ITGA9: variants seen among roughly 807,000 people sequenced by gnomAD.
ITGA9 encodes integrin subunit alpha 9.
ITGA9 carries 56 observed loss-of-function variants against 127.8 expected under a neutral mutation model. That is an observed-to-expected ratio of 0.44 (90% confidence interval 0.35 to 0.55). ITGA9 has a LOEUF of 0.55. ITGA9 is among the 20% of genes least tolerant of loss of function. The pLI, the probability that ITGA9 is intolerant of heterozygous loss-of-function variation, is 0.00. For missense variants in ITGA9, 1,196 were observed against 1,347.1 expected (o/e 0.89, Z 1.76); for synonymous variants, 508 against 514.5 (o/e 0.99, Z 0.17).
chr3:37,687,692 T>C (rs1700794680), intron 18 of ITGA9, among the ~76,000 whole-genome samples: 1 of 152,224 alleles, frequency 6.6e-6, no homozygotes, highest in Non-Finnish European at 1.5e-5. Flanking sequence ...GTATATTCCA[T>C]TGTGAATTTT....
chr3:37,673,368 C>A (rs992474648), intron 17 of ITGA9, among the ~76,000 whole-genome samples: 10 of 152,182 alleles, frequency 6.6e-5, no homozygotes, highest in African/African-American at 2.2e-4. Flanking sequence ...ATTTCCCAGG[C>A]TCCCTTGCAG....
intron 15 of ITGA9, among the ~76,000 whole-genome samples, chr3:37,547,673 A>G (rs866814466): frequency 6.6e-6 from 1 of 152,222 alleles, no homozygotes; most frequent in Non-Finnish European, 1.5e-5. Context: ...GGAAAATAAC[A>G]TGCTAAATCT....
chr3:37,648,493 G>A (rs1050200706), intron 16 of ITGA9, among the ~76,000 whole-genome samples: 3 of 152,128 alleles, frequency 2.0e-5, no homozygotes, highest in African/African-American at 4.8e-5. Flanking sequence ...CAGGCATGGT[G>A]GCATGTGGCT....
intron 18 of ITGA9, among the ~76,000 whole-genome samples, chr3:37,689,790 T>G (rs1700814538): frequency 6.6e-6 from 1 of 152,234 alleles, no homozygotes; most frequent in African/African-American, 2.4e-5. Flanking sequence ...TGGAGCCGTT[T>G]GGCACAAAGG....
intron 25 of ITGA9, among the ~76,000 whole-genome samples, chr3:37,782,437 G>T (rs1490522351): frequency 6.7e-6 from 1 of 149,180 alleles, no homozygotes; most frequent in African/African-American, 2.4e-5. Flanking sequence ...TGTCCCCATG[G>T]GCCAGCCAGG....
chr3:37,629,357 A>G lies in ITGA9; in HGVS notation c.1839+21A>G. The G allele has an allele frequency of 6.2e-7, 1 of 1,613,460 alleles. No homozygotes were observed. The highest frequency in any genetic ancestry group is 8.5e-7 in the Non-Finnish European group (1 of 1,179,766). On this transcript the variant is annotated intron_variant, in intron 16 of 27. Transcript: ENST00000264741. This position sits in a 1 kb window ranked among gnomAD's most constrained non-coding sequence, Gnocchi z 4.5. Reference sequence around the variant, plus strand: ...ATCAGGTCAGAACCTTAAAGCTCATACTCAGCACCCAAGGTGGCAGCTGCA... The same window carrying G: ...ATCAGGTCAGAACCTTAAAGCTCATGCTCAGCACCCAAGGTGGCAGCTGCA...
intron 15 of ITGA9, among the ~76,000 whole-genome samples, chr3:37,587,650 G>T (rs1699771432): frequency 6.7e-6 from 1 of 148,608 alleles, no homozygotes; most frequent in Non-Finnish European, 1.5e-5. Flanking sequence ...GCATTTATTT[G>T]CTAGGGGTGC....
Position 37,640,224 on chromosome 3 carries a change from C to G in ITGA9, c.1839+10888C>G, listed in dbSNP as rs58313169. ...AAATGGGGAGAGGAGCCTGGATTTT[C>G]CAGGTGGGTCCAATCTAGTCACACG... On this transcript the variant is annotated intron_variant, in intron 16 of 27. Coordinates refer to ENST00000264741, the MANE Select transcript of ITGA9 (RefSeq NM_002207.3). 8.8e-3 allele frequency among the ~76,000 whole-genome samples: 1,342 copies of G among 152,276 alleles called. 23 individuals are homozygous for G. The highest frequency in any genetic ancestry group is 0.031 in the African/African-American group (1,290 of 41,544).
chr3:37,570,985 G>A (rs1699594370), intron 15 of ITGA9, among the ~76,000 whole-genome samples: 2 of 152,210 alleles, frequency 1.3e-5, no homozygotes. Flanking sequence ...AAGACACTGA[G>A]GCCCATCAGG....
chr3:37,587,652 T>C (rs944172445), intron 15 of ITGA9, among the ~76,000 whole-genome samples: 5 of 152,168 alleles, frequency 3.3e-5, no homozygotes, highest in Non-Finnish European at 5.9e-5. Flanking sequence ...ATTTATTTGC[T>C]AGGGGTGCAA....
In ITGA9 at chr3:37,819,977, A is replaced by G. The variant is rs1045814211; in HGVS notation, c.*988A>G. ...TCATTGAGAGATCTTCATTTCCCCT[A>G]CCACCCTGGCTGTCCCAGCTAGTGG... is the stretch of plus-strand genomic sequence containing the variant. On this transcript the variant is annotated 3_prime_UTR_variant, in exon 28 of 28. Coordinates refer to ENST00000264741, the MANE Select transcript of ITGA9 (RefSeq NM_002207.3). 6 of 152,068 alleles carry G rather than the reference A, an allele frequency of 3.9e-5. No individual in the cohort carries two copies. Among genetic ancestry groups the G allele is most frequent in the African/African-American group, 1.5e-4 (6 of 41,378 alleles). The allele number at this position is 152,068 out of a possible 1,614,324, so 9.4% of individuals were successfully genotyped here.
chr3:37,499,153 GTTTA>G (rs1463812676), intron 5 of ITGA9, among the ~76,000 whole-genome samples: 26 of 152,332 alleles, frequency 1.7e-4, no homozygotes, highest in Admixed American at 7.2e-4. Flanking sequence ...TTCCTGGGAG[GTTTA>G]TTTATTTTTG....
chr3:37,721,933 C>A (rs900035746), intron 18 of ITGA9, among the ~76,000 whole-genome samples: 13 of 152,172 alleles, frequency 8.5e-5, no homozygotes, highest in African/African-American at 2.9e-4. Context: ...TAAAAATATT[C>A]TTAAAAATGT....
chr3:37,664,057 G>A (rs1700562090), intron 17 of ITGA9, among the ~76,000 whole-genome samples: 1 of 152,144 alleles, frequency 6.6e-6, no homozygotes, highest in Non-Finnish European at 1.5e-5. Context: ...GGAAGGCCAG[G>A]TTACTTGCTC....
chr3:37,626,956 G>A (rs963071202), intron 15 of ITGA9, among the ~76,000 whole-genome samples: 2 of 152,172 alleles, frequency 1.3e-5, no homozygotes, highest in African/African-American at 4.8e-5. Flanking sequence ...CATAAAGATT[G>A]CATTCATTCA....
chr3:37,630,289 C>T (rs1049688753), intron 16 of ITGA9, among the ~76,000 whole-genome samples: 2 of 152,108 alleles, frequency 1.3e-5, no homozygotes, highest in African/African-American at 4.8e-5. Flanking sequence ...GCATTATCTC[C>T]CAAAGCCTCT....
chr3:37,795,278 G>A (rs1697158247), intron 26 of ITGA9, among the ~76,000 whole-genome samples: 1 of 152,176 alleles, frequency 6.6e-6, no homozygotes, highest in South Asian at 2.1e-4. Context: ...GCAGAAGCCT[G>A]GGTGAGATGT....
Position 37,656,871 on chromosome 3 carries a change from C to T in ITGA9, c.1916+3081C>T, listed in dbSNP as rs1700483617. 3.9e-5 allele frequency among the ~76,000 whole-genome samples: 6 copies of T among 152,002 alleles called. No individual in the cohort carries two copies. In the South Asian group the frequency reaches 1.2e-3, roughly 32 times the overall value. The stretch of plus-strand genomic sequence containing the variant: ...TTTTTTGAGATATGTTCCATCAATA[C>T]CTGGTTTATTGAGAGTTTTTAGCAT... On this transcript the variant is annotated intron_variant, in intron 17 of 27. Transcript: ENST00000264741.
At chr3:37,608,314 C>T (rs767368979) in intron 15 of ITGA9, among the ~76,000 whole-genome samples, 1 of 152,174 alleles carries the variant, frequency 6.6e-6, no homozygotes. Flanking sequence ...AGATCATAAA[C>T]ACACATGAAT....
Sources: allele counts gnomAD v4.1 joint callset (sites outside exome capture counted in the v4.1 genomes callset), GRCh38; gene constraint gnomAD v4.1.1; non-coding constraint Gnocchi (gnomAD v3.1); transcripts MANE v1.5; gene names NCBI Gene and HGNC (gene_info 2026-07-23, HGNC 2026-07-21).